The following HACD2 variants were observed in gnomAD, a reference collection of about 807,000 sequenced individuals.
HACD2 encodes very-long-chain (3R)-3-hydroxyacyl-CoA dehydratase 2.
A neutral mutation model predicts 31.0 loss-of-function variants in HACD2; 15 were observed. The ratio of observed to expected loss-of-function variants is 0.48; its 90% confidence interval spans 0.32 to 0.75. The LOEUF is 0.75. Among genes scored for constraint, HACD2 ranks in the 30% least tolerant of loss-of-function variants. The pLI is 0.03. For synonymous variants in HACD2, 115 were observed against 122.2 expected (o/e 0.94, Z 0.39); for missense variants, 283 against 313.0 (o/e 0.90, Z 0.72).
chr3:123,504,832 A>G lies in HACD2; in HGVS notation c.382-2151T>C, dbSNP rs76736974. 0.024 allele frequency among the ~76,000 whole-genome samples: 3,666 copies of G among 152,336 alleles called. 232 individuals are homozygous for G. In the East Asian group the frequency reaches 0.25, roughly 10 times the overall value. ...TTATCAAGAAGGGATTTGGATAAAG[A>G]GATTGACCTTATGTGATTTATAGAT... On this transcript the variant is annotated intron_variant, in intron 4 of 6. Coordinates refer to ENST00000383657, the MANE Select transcript of HACD2 (RefSeq NM_198402.5).
At chr3:123,549,175 C>T (rs868470183) in intron 3 of HACD2, among the ~76,000 whole-genome samples, 3 of 151,944 alleles carry the variant, frequency 2.0e-5, no homozygotes, top group African/African-American at 7.2e-5. Context: ...TAAATTGTCA[C>T]ATATTCGCTT....
At position 123,502,570 on chromosome 3, in the gene HACD2, T is replaced by G; in HGVS notation, c.493A>C (p.Lys165Gln). 6.2e-7 allele frequency: 1 copy of G among 1,611,426 alleles called. No homozygotes were observed. The highest frequency in any genetic ancestry group is 1.3e-5 in the African/African-American group (1 of 75,014). Reference sequence around the variant, plus strand: ...AATGTGCTTTTTTACCTGGCCCATTTGATGAGGTAAGGCAGATGGTTTAAT... The same window carrying G: ...AATGTGCTTTTTTACCTGGCCCATTGGATGAGGTAAGGCAGATGGTTTAAT... ...SLLNHLPYLI[K>Q]WARYTLFIVL... The change falls in exon 5 of 7, where the codon AAA becomes CAA. Residue 165 changes from lysine to glutamine, a missense_variant. Lys to Gln is a moderately conservative substitution (Grantham distance 53, BLOSUM62 1). Transcript: ENST00000383657.
intron 3 of HACD2, among the ~76,000 whole-genome samples, chr3:123,564,927 G>A (rs1273132996): frequency 1.3e-5 from 2 of 152,112 alleles, no homozygotes; most frequent in Non-Finnish European, 2.9e-5. Context: ...CTGCCCTCGA[G>A]GAGCTCAGAG....
chr3:123,517,704 T>C (rs558273333), intron 4 of HACD2, among the ~76,000 whole-genome samples: 2 of 152,294 alleles, frequency 1.3e-5, no homozygotes, highest in African/African-American at 4.8e-5. Context: ...AACTGAAATG[T>C]CAAAAGAACA....
At chr3:123,540,739 A>G (rs1471662590) in intron 3 of HACD2, among the ~76,000 whole-genome samples, 1 of 150,908 alleles carries the variant, frequency 6.6e-6, no homozygotes, top group Non-Finnish European at 1.5e-5. Context: ...TTTCACCAGC[A>G]AGAGCACATC....
At chr3:123,523,472 G>A (rs1447705402) in intron 4 of HACD2, among the ~76,000 whole-genome samples, 1 of 152,102 alleles carries the variant, frequency 6.6e-6, no homozygotes, top group East Asian at 1.9e-4. Context: ...AGCAGACAGG[G>A]CAGATATTAG....
At chr3:123,535,523 C>T (rs1259519413) in intron 3 of HACD2, among the ~76,000 whole-genome samples, 1 of 152,156 alleles carries the variant, frequency 6.6e-6, no homozygotes, top group Non-Finnish European at 1.5e-5. Context: ...CTAGTCAGGA[C>T]AAGAAAGAGA....
chr3:123,511,416 A>T (rs1025412820), intron 4 of HACD2, among the ~76,000 whole-genome samples: 2 of 152,150 alleles, frequency 1.3e-5, no homozygotes, highest in African/African-American at 2.4e-5. Flanking sequence ...ATCAATAACT[A>T]TTGGAAGGAA....
At chr3:123,550,601 C>T (rs1353033158) in intron 3 of HACD2, among the ~76,000 whole-genome samples, 4 of 152,166 alleles carry the variant, frequency 2.6e-5, no homozygotes, top group Admixed American at 2.6e-4. Flanking sequence ...CCCCAGGTTC[C>T]TGATTAGGAA....
Position 123,582,267 on chromosome 3 carries a change from A to C in HACD2, c.218T>G (p.Leu73Arg). The C allele has an allele frequency of 1.2e-6, 2 of 1,608,792 alleles. No homozygotes were observed. Among genetic ancestry groups the C allele is most frequent in the Non-Finnish European group, 8.5e-7 (1 of 1,177,382 alleles). Residue 73 changes from leucine (L) to arginine (R), a missense_variant, in exon 2 of 7, where the codon CTT becomes CGT. Leu to Arg is a moderately radical substitution (Grantham distance 102). Around this residue, in one of 3 missense-constraint regions of HACD2, gnomAD observed 158 missense variants for 148.3 expected, o/e 1.07. Transcript: ENST00000383657. ...AYLAKGSYHSLYYSIEKPLKF... is the reference protein window; with the variant it reads ...AYLAKGSYHSRYYSIEKPLKF... ...CAAAGGCTTTTCAATTGAATAATAA[A>C]GGCTATGGTAGCTACCCTTAGCCAG...
In HACD2 at chr3:123,494,594, G is replaced by C; in HGVS notation, c.*294C>G. 2.4e-6 allele frequency: 1 copy of C among 413,830 alleles called. No individual in the cohort carries two copies. Among genetic ancestry groups the C allele is most frequent in the East Asian group, 5.6e-5 (1 of 17,962 alleles). 25.6% of individuals were successfully genotyped at this position (413,830 alleles called of 1,614,324 possible). ...GGTCTTCATTGATCAGATACATGAA[G>C]GACACAGAAGGACATAAAATGCCAA... On this transcript the variant is annotated 3_prime_UTR_variant, in exon 7 of 7. Coordinates refer to ENST00000383657, the MANE Select transcript of HACD2 (RefSeq NM_198402.5).
rs77113148 is a variant in HACD2 at position 123,517,028 on chromosome 3, A to G, written c.381+11358T>C. Among the ~76,000 whole-genome samples, 287 of 152,256 alleles carry G rather than the reference A, an allele frequency of 1.9e-3. 2 individuals are homozygous for G. The highest frequency in any genetic ancestry group is 6.8e-3 in the African/African-American group (281 of 41,552). On this transcript the variant is annotated intron_variant, in intron 4 of 6. Transcript: ENST00000383657. ...TTTGTAAACTGGAGAGGTCAGAAAA[A>G]CATATTAAGTGCTTAGCAAAGCCCT...
intron 3 of HACD2, among the ~76,000 whole-genome samples, chr3:123,565,884 TG>T (rs1386775416): frequency 6.6e-6 from 1 of 152,220 alleles, no homozygotes; most frequent in Admixed American, 6.5e-5. Context: ...AGGAAATGCG[TG>T]TAAGACTGCA....
At chr3:123,528,746 G>A (rs2056315900) in intron 3 of HACD2, among the ~76,000 whole-genome samples, 1 of 152,120 alleles carries the variant, frequency 6.6e-6, no homozygotes, top group Non-Finnish European at 1.5e-5. Context: ...ACCAAGTACA[G>A]TATTTTTTAC....
chr3:123,567,390 GGA>G (rs1297743549), intron 3 of HACD2, among the ~76,000 whole-genome samples: 1 of 152,166 alleles, frequency 6.6e-6, no homozygotes, highest in Non-Finnish European at 1.5e-5. Flanking sequence ...TGAAAGATAA[GGA>G]GAGAGAATGA....
At position 123,581,035 on chromosome 3, in the gene HACD2, C is replaced by T. The variant is rs185248664; in HGVS notation, c.273+1177G>A. On this transcript the variant is annotated intron_variant, in intron 2 of 6. Transcript: ENST00000383657. Reference sequence around the variant, plus strand: ...CGGGGTTTCACTGTGTTAGCCAGGACGGTCTCAATCTCCTGACCTCGTGAT... The same window carrying T: ...CGGGGTTTCACTGTGTTAGCCAGGATGGTCTCAATCTCCTGACCTCGTGAT... Among the ~76,000 whole-genome samples, 530 of 151,950 alleles carry T rather than the reference C, an allele frequency of 3.5e-3. 2 individuals are homozygous for T. Among genetic ancestry groups the T allele is most frequent in the African/African-American group, 0.011 (469 of 41,484 alleles).
chr3:123,541,219 C>G (rs1328591104), intron 3 of HACD2, among the ~76,000 whole-genome samples: 2 of 152,070 alleles, frequency 1.3e-5, no homozygotes, highest in African/African-American at 4.8e-5. Flanking sequence ...TGCAGTGAGC[C>G]AAGATTGCAC....
chr3:123,505,709 C>T (rs1305228322), intron 4 of HACD2, among the ~76,000 whole-genome samples: 1 of 152,180 alleles, frequency 6.6e-6, no homozygotes, highest in Admixed American at 6.5e-5. Context: ...ATTTAGGGAA[C>T]AGAGTCTGCT....
intron 3 of HACD2, among the ~76,000 whole-genome samples, chr3:123,536,850 T>C (rs976154276): frequency 6.6e-6 from 1 of 152,110 alleles, no homozygotes; most frequent in Non-Finnish European, 1.5e-5. Flanking sequence ...ACTCAAGAGG[T>C]CATTTCAATA....
Sources: gnomAD v4.1 joint callset for allele counts (sites outside exome capture counted in the v4.1 genomes callset) on GRCh38, gnomAD v4.1.1 for gene constraint, gnomAD v4.1.1 regional missense constraint, MANE v1.5 for transcripts, NCBI Gene and HGNC (gene_info 2026-07-23, HGNC 2026-07-21) for gene names.